The following MRE11 variants were observed in gnomAD, a reference collection of about 807,000 sequenced individuals.
The protein encoded by MRE11 is double-strand break repair protein MRE11.
In MRE11, 62 loss-of-function variants were observed where a neutral mutation model predicts 91.7. That is an observed-to-expected ratio of 0.68 (90% CI 0.55 to 0.84). The LOEUF is 0.84. MRE11 is among the 40% of genes least tolerant of loss of function. MRE11 has a pLI of 0.00. For missense variants in MRE11, 796 were observed against 852.9 expected, an observed-to-expected ratio of 0.93 and a Z score of 0.83; for synonymous variants, 273 against 271.4, an observed-to-expected ratio of 1.01 and a Z score of -0.06.
At position 94,445,820 on chromosome 11, in the gene MRE11, A is replaced by G; in HGVS notation, c.1857T>C (p.Ser619=). The change falls in exon 16 of 20, where the codon TCT becomes TCC. Residue 619 remains serine, a synonymous_variant. Transcript: ENST00000323929. ...GCAGTCTATACTCACCATCTATAAT[A>G]GACATATTTCTAGATGCTGACACAG... ...KTAVSASRNM[S]IIDAFKSTRQ... 6.2e-7 allele frequency: 1 copy of G among 1,608,830 alleles called. No individual in the cohort carries two copies.
intron 14 of MRE11, among the ~76,000 whole-genome samples, chr11:94,448,813 T>G (rs952580052): frequency 9.9e-5 from 15 of 152,056 alleles, no homozygotes; most frequent in African/African-American, 3.6e-4. Flanking sequence ...AAATAAAATA[T>G]AAATAAAAGC....
chr11:94,417,756 G>A lies in MRE11; in HGVS notation c.*2369C>T, dbSNP rs1420113083. Reference sequence around the variant, plus strand: ...ACCATATGACTTTTCTGTATTTATTGTATTTCCTACTTTTAAAAGTTTGGG... The same window carrying A: ...ACCATATGACTTTTCTGTATTTATTATATTTCCTACTTTTAAAAGTTTGGG... On this transcript the variant is annotated 3_prime_UTR_variant, in exon 20 of 20. Coordinates refer to ENST00000323929, the MANE Select transcript of MRE11 (RefSeq NM_005591.4). The A allele has an allele frequency of 1.3e-5, 3 of 232,756 alleles. No homozygotes were observed. The highest frequency in any genetic ancestry group is 2.2e-5 in the African/African-American group (1 of 45,280). 14.4% of individuals were successfully genotyped at this position (232,756 alleles called of 1,614,324 possible). A position where few individuals can be genotyped will look rare whatever the true frequency, so the allele number is the denominator to read the frequency against.
At position 94,452,997 on chromosome 11, in the gene MRE11, C is replaced by T. The variant is rs1946152087; in HGVS notation, c.1563+3279G>A. Among the ~76,000 whole-genome samples the T allele has an allele frequency of 2.0e-5, 3 of 152,156 alleles. No individual in the cohort carries two copies. The South Asian group carries it at 6.2e-4, about 32-fold the overall frequency. On this transcript the variant is annotated intron_variant, in intron 14 of 19. Coordinates refer to ENST00000323929, the MANE Select transcript of MRE11 (RefSeq NM_005591.4). ...TTCAACAGTAACTTCACATTCCTCC[C>T]TCTCCCCAGTAACCACTATTCTACC...
intron 18 of MRE11, 147 bp from the exon 19 acceptor site, chr11:94,430,133 T>C (rs1945425423): frequency 1.2e-6 from 1 of 853,386 alleles, no homozygotes. Flanking sequence ...GCAATAAAAC[T>C]TAACTGTAAG....
rs116528940 is a variant in MRE11, at chr11:94,466,211, T to C, written c.1098+1602A>G. 7.1e-3 allele frequency among the ~76,000 whole-genome samples: 1,081 copies of C among 152,326 alleles called. 9 individuals carry two copies. The highest frequency in any genetic ancestry group is 0.024 in the African/African-American group (981 of 41,570). On this transcript the variant is annotated intron_variant, in intron 10 of 19. Coordinates refer to ENST00000323929, the MANE Select transcript of MRE11 (RefSeq NM_005591.4). ...CCACATCATGTAGACCCCTGAATGC[T>C]AACCTAAAAAAGTTTAGACTTTTTC...
At chr11:94,473,927 G>A (rs999771289) in intron 7 of MRE11, among the ~76,000 whole-genome samples, 1 of 152,078 alleles carries the variant, frequency 6.6e-6, no homozygotes, top group African/African-American at 2.4e-5. Flanking sequence ...GAAGTCACAA[G>A]TAAGGAAAGG....
At chr11:94,430,347 CTTATA>C in intron 18 of MRE11, among the ~76,000 whole-genome samples, 1 of 152,190 alleles carries the variant, frequency 6.6e-6, no homozygotes, top group South Asian at 2.1e-4. Context: ...ACAATACTTA[CTTATA>C]TTATTATAGT....
upstream of MRE11, among the ~76,000 whole-genome samples, chr11:94,495,803 C>A (rs1414725153): frequency 6.6e-6 from 1 of 152,078 alleles, no homozygotes; most frequent in Non-Finnish European, 1.5e-5. Flanking sequence ...TAGTACTTAT[C>A]ATGTTGTCTT....
At chr11:94,488,810 G>A (rs1277294299) in intron 3 of MRE11, among the ~76,000 whole-genome samples, 1 of 152,090 alleles carries the variant, frequency 6.6e-6, no homozygotes, top group Admixed American at 6.6e-5. Context: ...GATAGGAGGA[G>A]GGAGAGGATC....
chr11:94,482,487 A>G (rs1024522594), intron 4 of MRE11, among the ~76,000 whole-genome samples: 3 of 152,216 alleles, frequency 2.0e-5, no homozygotes, highest in Admixed American at 6.5e-5. Flanking sequence ...ACTGTGCTTC[A>G]GAAAGAAGGA....
rs746938043 is a variant in MRE11 at position 94,437,180 on chromosome 11, T to C, written c.1923A>G (p.Ser641=). 27 of 1,611,720 alleles carry C rather than the reference T, an allele frequency of 1.7e-5. No individual in the cohort carries two copies. The South Asian group carries it at 2.4e-4, about 15-fold the overall frequency. The stretch of plus-strand genomic sequence containing the variant: ...ACCATAAAACTTTTTTTCTTACCTC[T>C]GAATAATTCTTAGTAGTGACATTTC... ...PSRNVTTKNY[S]EVIEVDESDV... The change falls in exon 17 of 20, where the codon TCA becomes TCG. Residue 641 remains serine, a synonymous_variant. Coordinates refer to ENST00000323929, the MANE Select transcript of MRE11 (RefSeq NM_005591.4).
intron 7 of MRE11, chr11:94,475,102 A>C (rs1946816676): frequency 6.5e-6 from 1 of 152,910 alleles, no homozygotes; most frequent in Non-Finnish European, 1.5e-5. Context: ...GAATGCACAG[A>C]GTAGTCTGCA....
At chr11:94,480,941 C>G (rs149871634) in intron 4 of MRE11, among the ~76,000 whole-genome samples, 1 of 152,164 alleles carries the variant, frequency 6.6e-6, no homozygotes, top group Non-Finnish European at 1.5e-5. Context: ...AGTCACAGAC[C>G]TATGCCAACC....
chr11:94,469,567 A>G (rs978871785), intron 9 of MRE11, among the ~76,000 whole-genome samples: 21 of 152,282 alleles, frequency 1.4e-4, no homozygotes, highest in African/African-American at 5.1e-4. Context: ...TTGAGTTTCT[A>G]GAGTCAATCA....
chr11:94,454,134 C>T lies in MRE11; in HGVS notation c.1563+2142G>A, dbSNP rs549618524. Among the ~76,000 whole-genome samples the T allele has an allele frequency of 2.7e-5, 4 of 147,792 alleles. No homozygotes were observed. The East Asian group carries it at 5.9e-4, about 22-fold the overall frequency. ...TGTCATCCAGGTTGGAGTGCAGTGG[C>T]GTCATCTCGGCTCATTGCAACCTCT... On this transcript the variant is annotated intron_variant, in intron 14 of 19. Coordinates refer to ENST00000323929, the MANE Select transcript of MRE11 (RefSeq NM_005591.4).
Position 94,420,859 on chromosome 11 carries a change from C to T in MRE11, c.2071-678G>A, listed in dbSNP as rs868400990. Among the ~76,000 whole-genome samples the T allele has an allele frequency of 2.0e-5, 3 of 152,140 alleles. No individual in the cohort carries two copies. In the South Asian group the frequency reaches 6.2e-4, roughly 32 times the overall value. ...CATCCTGGCTAGCACGGTGAAACCC[C>T]GTCTCTACTAGAAATACAAAAAATT... On this transcript the variant is annotated intron_variant, in intron 19 of 19. Coordinates refer to ENST00000323929, the MANE Select transcript of MRE11 (RefSeq NM_005591.4).
chr11:94,497,816 G>A (rs1947437205), upstream of MRE11: 2 of 407,794 alleles, frequency 4.9e-6, no homozygotes, highest in Non-Finnish European at 4.4e-6. Flanking sequence ...TGGACCAGGA[G>A]TAAATGTATG....
At chr11:94,497,975 A>C, upstream of MRE11, 1 of 924,546 alleles carries the variant, frequency 1.1e-6, no homozygotes, top group Non-Finnish European at 1.6e-6. Flanking sequence ...GTAAGTTTTT[A>C]TTCAACTTAA....
intron 11 of MRE11, among the ~76,000 whole-genome samples, chr11:94,461,854 T>A (rs1253474521): frequency 1.3e-5 from 2 of 152,084 alleles, no homozygotes; most frequent in African/African-American, 4.8e-5. Flanking sequence ...GGTGGGCGGA[T>A]CACAAGGTCA....
Sources: allele counts gnomAD v4.1 joint callset (sites outside exome capture counted in the v4.1 genomes callset), GRCh38; gene constraint gnomAD v4.1.1; transcripts MANE v1.5; gene names NCBI Gene and HGNC (gene_info 2026-07-23, HGNC 2026-07-21).